The following NMI variants were observed in gnomAD, a reference collection of about 807,000 sequenced individuals.
The protein encoded by NMI is N-myc and STAT interactor.
In NMI, 39 loss-of-function variants were observed where a neutral mutation model predicts 34.3. The ratio of observed to expected loss-of-function variants is 1.14; its 90% CI spans 0.88 to 1.49. The LOEUF (loss-of-function observed/expected upper bound fraction) is 1.49, where lower values mean the gene tolerates loss of function less well. NMI is among the 40% of genes most tolerant of loss of function. NMI has a pLI of 0.00. For synonymous variants in NMI, 113 were observed against 120.3 expected, an observed-to-expected ratio of 0.94 and a Z score of 0.40; for missense variants, 339 against 358.1, an observed-to-expected ratio of 0.95 and a Z score of 0.43.
intron 1 of NMI, among the ~76,000 whole-genome samples, chr2:151,285,610 A>G (rs1683482823): frequency 6.6e-6 from 1 of 151,744 alleles, no homozygotes; most frequent in Non-Finnish European, 1.5e-5. Flanking sequence ...AAAAAAAGCA[A>G]TGCCTATGTG....
intron 1 of NMI, among the ~76,000 whole-genome samples, chr2:151,286,622 C>G (rs532402029): frequency 4.7e-4 from 23 of 49,206 alleles, no homozygotes; most frequent in African/African-American, 1.1e-3. Flanking sequence ...AGAACAATTA[C>G]CTCTAGTCCC....
chr2:151,289,307 T>C (rs1683575328), intron 1 of NMI, among the ~76,000 whole-genome samples: 1 of 150,048 alleles, frequency 6.7e-6, no homozygotes, highest in South Asian at 2.1e-4. Flanking sequence ...CACAAATAAC[T>C]TTATGTTTCA....
intron 3 of NMI, among the ~76,000 whole-genome samples, chr2:151,281,318 A>G (rs1437475421): frequency 6.6e-6 from 1 of 152,242 alleles, no homozygotes; most frequent in East Asian, 1.9e-4. Context: ...GAAGAATTAT[A>G]AAAGAACTCA....
Position 151,278,757 on chromosome 2 carries a change from G to A in NMI, c.340+71C>T, listed in dbSNP as rs12328381. 1,015 of 1,147,448 alleles carry A rather than the reference G, an allele frequency of 8.8e-4. 8 individuals are homozygous for A. The African/African-American group carries it at 0.014, about 16-fold the overall frequency. The allele number at this position is 1,147,448 out of a possible 1,614,324, so 71.1% of individuals were successfully genotyped here. Reference sequence around the variant, plus strand: ...ATAATATAAGTGAAGTAATATTAGCGAAGTAATAGCTAAATGTCTATGAAA... The same window carrying A: ...ATAATATAAGTGAAGTAATATTAGCAAAGTAATAGCTAAATGTCTATGAAA... On this transcript the variant is annotated intron_variant, in intron 4 of 7. Transcript: ENST00000243346.
intron 1 of NMI, chr2:151,289,125 G>C (rs1473002479): frequency 6.6e-6 from 1 of 152,062 alleles, no homozygotes; most frequent in Non-Finnish European, 1.5e-5. Context: ...GCGGGCGCCT[G>C]TAGTCCCAGC....
chr2:151,276,672 T>C (rs534541044), intron 4 of NMI, among the ~76,000 whole-genome samples: 1 of 152,332 alleles, frequency 6.6e-6, no homozygotes, highest in Admixed American at 6.5e-5. Flanking sequence ...TTATCATTTG[T>C]TACTCCTTAA....
rs770159539 is a variant in NMI at position 151,281,978 on chromosome 2, C to T, written c.147G>A (p.Thr49=). The T allele has an allele frequency of 7.1e-6, 11 of 1,558,202 alleles. No homozygotes were observed. Among genetic ancestry groups the T allele is most frequent in the Middle Eastern group, 1.7e-4 (1 of 5,936 alleles). The change falls in exon 3 of 8, where the codon ACG becomes ACA. Residue 49 remains threonine, a synonymous_variant. Transcript: ENST00000243346. ...QLKKEIQKLE[T]ELQEATKEFQ... ...ATTCTTTGGTAGCCTCTTGTAACTC[C>T]GTTTCAAGCTTTTGGATCTCCTTCT...
Position 151,271,700 on chromosome 2 carries a change from G to A in NMI, c.667C>T (p.Pro223Ser). 1.9e-6 allele frequency: 3 copies of A among 1,572,372 alleles called. No individual in the cohort carries two copies. The highest frequency in any genetic ancestry group is 2.3e-5 in the East Asian group (1 of 44,250). The change falls in exon 7 of 8, where the codon CCT becomes TCT. Residue 223 changes from proline to serine, a missense_variant. Physicochemically the swap from Pro to Ser is moderately conservative, Grantham distance 74. Coordinates refer to ENST00000243346, the MANE Select transcript of NMI (RefSeq NM_004688.3). ...TGGCAGGTTTGATTTATATAAAGAG[G>A]GTATTCTTTCTTTTTCAAAATCTTG... Reference protein sequence around the residue: ...ADKILKKKEYPLYINQTCHRV... With the variant: ...ADKILKKKEYSLYINQTCHRV...
At chr2:151,289,093 A>C (rs1683566830) in intron 1 of NMI, 2 of 151,906 alleles carry the variant, frequency 1.3e-5, no homozygotes, top group Admixed American at 1.3e-4. Context: ...AATACAAAAA[A>C]AAAAATTAGC....
intron 3 of NMI, among the ~76,000 whole-genome samples, chr2:151,280,052 G>T (rs1683360342): frequency 6.6e-6 from 1 of 151,998 alleles, no homozygotes; most frequent in African/African-American, 2.4e-5. Context: ...AAAATTAGCT[G>T]GGCGTGGTGG....
chr2:151,274,358 A>G (rs1412543535), intron 6 of NMI, among the ~76,000 whole-genome samples: 1 of 150,360 alleles, frequency 6.7e-6, no homozygotes, highest in East Asian at 1.9e-4. Flanking sequence ...AAAAAAAAAA[A>G]AAAAAAAAAA....
At chr2:151,289,239 C>A (rs1462548461) in intron 1 of NMI, among the ~76,000 whole-genome samples, 1 of 106,112 alleles carries the variant, frequency 9.4e-6, no homozygotes, top group Non-Finnish European at 1.7e-5. Context: ...AGCGACAGAG[C>A]GAGACTCCGT....
intron 1 of NMI, among the ~76,000 whole-genome samples, chr2:151,283,516 T>C (rs12617724): frequency 0.67 from 102,175 of 152,134 alleles, 35,389 homozygotes; most frequent in African/African-American, 0.85. Flanking sequence ...AAATAATATA[T>C]AGAAAGTAAT....
At chr2:151,288,384 C>G (rs1683547073) in intron 1 of NMI, among the ~76,000 whole-genome samples, 2 of 152,146 alleles carry the variant, frequency 1.3e-5, no homozygotes, top group South Asian at 2.1e-4. Context: ...ATGTTGCTGG[C>G]CCTGAAGATG....
intron 6 of NMI, among the ~76,000 whole-genome samples, chr2:151,273,055 A>G (rs1432291868): frequency 6.6e-6 from 1 of 152,044 alleles, no homozygotes; most frequent in Admixed American, 6.6e-5. Context: ...GTACCCTTGA[A>G]TTGTACATTT....
At chr2:151,289,433 G>T (rs999776299) in intron 1 of NMI, among the ~76,000 whole-genome samples, 160 bp downstream of exon 1, 1 of 152,154 alleles carries the variant, frequency 6.6e-6, no homozygotes, top group Non-Finnish European at 1.5e-5. Flanking sequence ...TGGCCTCCGC[G>T]ACTCGGCTGC....
intron 1 of NMI, among the ~76,000 whole-genome samples, chr2:151,289,275 A>G (rs995198125): frequency 3.4e-3 from 501 of 147,636 alleles, no homozygotes; most frequent in African/African-American, 7.4e-3. Context: ...AAAAAAAAAA[A>G]AGAGAGAAAA....
intron 3 of NMI, among the ~76,000 whole-genome samples, chr2:151,281,613 C>T (rs1379763552): frequency 6.6e-6 from 1 of 152,130 alleles, no homozygotes; most frequent in African/African-American, 2.4e-5. Context: ...AAACATCCTG[C>T]TTTTGCTTAA....
intron 1 of NMI, among the ~76,000 whole-genome samples, chr2:151,285,356 GAGATAGATAGAT>G (rs71403153): frequency 0.026 from 3,791 of 147,582 alleles, 53 homozygotes; most frequent in East Asian, 0.058. Context: ...ATTGATGATT[GAGATAGATAGAT>G]AGATAGATAG....
Sources: gnomAD v4.1 joint callset for allele counts (sites outside exome capture counted in the v4.1 genomes callset) on GRCh38, gnomAD v4.1.1 for gene constraint, MANE v1.5 for transcripts, NCBI Gene and HGNC (gene_info 2026-07-23, HGNC 2026-07-21) for gene names.